DPYD: variants seen among roughly 807,000 people sequenced by gnomAD.
The protein encoded by DPYD is dihydropyrimidine dehydrogenase.
Under a neutral mutation model 116.2 loss-of-function variants are expected in DPYD, and 109 were observed. The observed-to-expected ratio is 0.94, with a 90% confidence interval of 0.80 to 1.10. DPYD has a LOEUF of 1.10. DPYD is among the 50% of genes least tolerant of loss of function. The pLI, the probability that DPYD is intolerant of heterozygous loss-of-function variation, is 0.00. For synonymous variants in DPYD, 440 were observed against 432.0 expected, an observed-to-expected ratio of 1.02 and a Z score of -0.23; for missense variants, 1,302 against 1,254.5, an observed-to-expected ratio of 1.04 and a Z score of -0.57.
intron 14 of DPYD, among the ~76,000 whole-genome samples, chr1:97,420,336 G>A (rs538724464): frequency 5.9e-5 from 9 of 152,218 alleles, no homozygotes; most frequent in South Asian, 4.2e-4. Flanking sequence ...AGAACACTTC[G>A]TAATTTTCTG....
chr1:97,633,975 T>C (rs1307733777), intron 8 of DPYD, among the ~76,000 whole-genome samples: 1 of 152,136 alleles, frequency 6.6e-6, no homozygotes, highest in Non-Finnish European at 1.5e-5. Context: ...GGAAAATTTA[T>C]GCCCTGCTTT....
intron 20 of DPYD, among the ~76,000 whole-genome samples, chr1:97,106,495 T>C (rs892592353): frequency 1.3e-5 from 2 of 152,118 alleles, no homozygotes; most frequent in African/African-American, 4.8e-5. Context: ...AATTATTCTT[T>C]CTTCTGGAGT....
At chr1:97,125,579 C>T (rs1455273380) in intron 20 of DPYD, among the ~76,000 whole-genome samples, 1 of 152,104 alleles carries the variant, frequency 6.6e-6, no homozygotes, top group Admixed American at 6.6e-5. Context: ...TTGCTATGGT[C>T]TGACTGTGTC....
At chr1:97,173,223 T>C (rs986363244) in intron 20 of DPYD, among the ~76,000 whole-genome samples, 3 of 98,142 alleles carry the variant, frequency 3.1e-5, no homozygotes, top group South Asian at 3.7e-4. Context: ...CACATATACG[T>C]ACATATATGC....
At chr1:97,874,678 T>C (rs1671819618) in intron 2 of DPYD, among the ~76,000 whole-genome samples, 1 of 151,912 alleles carries the variant, frequency 6.6e-6, no homozygotes. Flanking sequence ...CTATTGTTCA[T>C]ATACCTATGT....
At chr1:97,579,525 A>C (rs1653494956) in intron 10 of DPYD, among the ~76,000 whole-genome samples, 1 of 152,236 alleles carries the variant, frequency 6.6e-6, no homozygotes, top group African/African-American at 2.4e-5. Flanking sequence ...ACATGGACCA[A>C]ATTGACCTGT....
At chr1:97,203,081 C>T (rs918837033) in intron 19 of DPYD, among the ~76,000 whole-genome samples, 1 of 152,132 alleles carries the variant, frequency 6.6e-6, no homozygotes, top group Non-Finnish European at 1.5e-5. Flanking sequence ...GGAAGCTTGG[C>T]CACTGCTCTT....
At chr1:97,881,985 T>G (rs1037781482) in intron 2 of DPYD, among the ~76,000 whole-genome samples, 6 of 151,524 alleles carry the variant, frequency 4.0e-5, no homozygotes, top group African/African-American at 1.5e-4. Flanking sequence ...ATTGTGCACA[T>G]GTACCCTAAA....
intron 8 of DPYD, 30 bp downstream of exon 8, chr1:97,679,061 TATAA>T (rs764827421): frequency 1.9e-6 from 2 of 1,034,510 alleles, no homozygotes; most frequent in Non-Finnish European, 2.7e-6. Flanking sequence ...AAAAATACAT[TATAA>T]ATAAATATAT....
chr1:97,700,353 T>C, intron 5 of DPYD: 1 of 447,878 alleles, frequency 2.2e-6, no homozygotes, highest in South Asian at 1.6e-5. Context: ...AAAGTGCATA[T>C]GACAAAAACC....
intron 8 of DPYD, among the ~76,000 whole-genome samples, chr1:97,675,022 G>T (rs1359320636): frequency 6.6e-6 from 1 of 152,130 alleles, no homozygotes; most frequent in Non-Finnish European, 1.5e-5. Context: ...TTAATGCAGT[G>T]TGAACGTGCA....
At chr1:97,806,974 T>C (rs1428737299) in intron 3 of DPYD, among the ~76,000 whole-genome samples, 1 of 152,032 alleles carries the variant, frequency 6.6e-6, no homozygotes, top group African/African-American at 2.4e-5. Flanking sequence ...GTACTCCATG[T>C]CTTCTCTGAC....
At chr1:97,159,876 C>T (rs1655760008) in intron 20 of DPYD, among the ~76,000 whole-genome samples, 1 of 151,886 alleles carries the variant, frequency 6.6e-6, no homozygotes, top group South Asian at 2.1e-4. Context: ...AGTTACTATG[C>T]CGCTAAATAA....
At chr1:97,614,179 AC>A (rs1461033667) in intron 8 of DPYD, among the ~76,000 whole-genome samples, 1 of 152,036 alleles carries the variant, frequency 6.6e-6, no homozygotes, top group African/African-American at 2.4e-5. Flanking sequence ...CAGAATCCCT[AC>A]AAAAAATAAA....
intron 11 of DPYD, among the ~76,000 whole-genome samples, chr1:97,562,938 C>T (rs1238886415): frequency 6.6e-6 from 1 of 152,044 alleles, no homozygotes; most frequent in Non-Finnish European, 1.5e-5. Context: ...CAGCTGGTCT[C>T]AAACTCCTGA....
At chr1:97,627,353 A>G (rs1319456657) in intron 8 of DPYD, among the ~76,000 whole-genome samples, 1 of 152,078 alleles carries the variant, frequency 6.6e-6, no homozygotes, top group Non-Finnish European at 1.5e-5. Context: ...AAGAAACATT[A>G]TTTCTAGAAA....
At chr1:97,880,181 GAA>G (rs1385164041) in intron 2 of DPYD, among the ~76,000 whole-genome samples, 34 of 151,788 alleles carry the variant, frequency 2.2e-4, no homozygotes, top group Non-Finnish European at 1.5e-4. Context: ...TTAAAAGAAA[GAA>G]AGAGAGTTTG....
chr1:97,905,727 C>A (rs528063880), intron 1 of DPYD, among the ~76,000 whole-genome samples: 1 of 151,902 alleles, frequency 6.6e-6, no homozygotes, highest in Non-Finnish European at 1.5e-5. Flanking sequence ...CTTGAAGAAC[C>A]GAATATTAAA....
At chr1:97,192,943 T>C (rs920265910) in intron 20 of DPYD, 126 bp downstream of exon 20, 11 of 1,075,296 alleles carry the variant, frequency 1.0e-5, no homozygotes, top group Non-Finnish European at 7.0e-6. Flanking sequence ...AAGAGTCCAC[T>C]GAAGAAATCA....
Sources: allele counts gnomAD v4.1 joint callset (sites outside exome capture counted in the v4.1 genomes callset), GRCh38; gene constraint gnomAD v4.1.1; transcripts MANE v1.5; gene names NCBI Gene and HGNC (gene_info 2026-07-23, HGNC 2026-07-21).